Variants in MYOM1 observed in about 807,000 individuals in gnomAD.
The protein encoded by MYOM1 is myomesin 1, also known as myomesin-1.
MYOM1 carries 164 observed loss-of-function variants against 205.3 expected under a neutral mutation model. The observed-to-expected ratio is 0.80, with a 90% confidence interval of 0.70 to 0.91. The LOEUF (loss-of-function observed/expected upper bound fraction) is 0.91. Ranked by LOEUF, MYOM1 falls within the 40% of genes least tolerant of loss-of-function variation. The pLI is 0.00. For missense variants in MYOM1, 2,011 were observed against 2,127.3 expected, an observed-to-expected ratio of 0.95 and a Z score of 1.08; for synonymous variants, 772 against 789.4, an observed-to-expected ratio of 0.98 and a Z score of 0.37.
intron 2 of MYOM1, among the ~76,000 whole-genome samples, chr18:3,197,312 C>T (rs1434869504): frequency 1.3e-5 from 2 of 151,784 alleles, no homozygotes; most frequent in Non-Finnish European, 2.9e-5. Flanking sequence ...AATTTTTGTA[C>T]GTTTTAGTAG....
chr18:3,146,191 A>T (rs12955349), intron 13 of MYOM1, among the ~76,000 whole-genome samples: 21,850 of 151,848 alleles, frequency 0.14, 1,738 homozygotes, highest in Middle Eastern at 0.23. Context: ...ATGTTTAATT[A>T]AAAAAAATAA....
chr18:3,166,510 T>A (rs1411837661), intron 9 of MYOM1, among the ~76,000 whole-genome samples: 1 of 151,976 alleles, frequency 6.6e-6, no homozygotes, highest in Non-Finnish European at 1.5e-5. Context: ...GGTCTCAAAC[T>A]CCAGACCTCA....
chr18:3,130,091 G>A (rs62074942), intron 17 of MYOM1, among the ~76,000 whole-genome samples: 9,254 of 150,434 alleles, frequency 0.062, 365 homozygotes, highest in Middle Eastern at 0.15. Flanking sequence ...CCCCCAGGCT[G>A]GAGTGCACTG....
chr18:3,179,813 A>G lies in MYOM1; in HGVS notation c.930-3679T>C, dbSNP rs1031461330. ...CTATAATTGGTTTAGGTAATTTCAC[A>G]CTGGACTCAAGCTCACTCTGGCTCT... is the stretch of plus-strand genomic sequence containing the variant. On this transcript the variant is annotated intron_variant, in intron 5 of 37. Transcript: ENST00000356443. This position sits in a 1 kb window ranked among gnomAD's most constrained non-coding sequence, Gnocchi z 4.4. Among the ~76,000 whole-genome samples the G allele has an allele frequency of 1.3e-5, 2 of 152,170 alleles. No homozygotes were observed. Among genetic ancestry groups the G allele is most frequent in the South Asian group, 2.1e-4 (1 of 4,834 alleles).
intron 2 of MYOM1, among the ~76,000 whole-genome samples, chr18:3,214,419 A>T (rs959344990): frequency 6.6e-6 from 1 of 152,228 alleles, no homozygotes; most frequent in Non-Finnish European, 1.5e-5. Context: ...CCAGGCTCTT[A>T]GTGAAGCTAA....
intron 34 of MYOM1, among the ~76,000 whole-genome samples, chr18:3,078,587 A>G (rs575611912): frequency 5.7e-4 from 87 of 152,108 alleles, no homozygotes; most frequent in African/African-American, 1.7e-3. Context: ...ATGCTACCAC[A>G]CTTGGCTAAT....
At chr18:3,180,925 CTTT>C (rs540315378) in intron 5 of MYOM1, among the ~76,000 whole-genome samples, 1,771 of 142,562 alleles carry the variant, frequency 0.012, 25 homozygotes, top group African/African-American at 0.044. Flanking sequence ...CCGAGATGAT[CTTT>C]TTTTTTTTTT....
rs145234236 is a variant in MYOM1 at position 3,092,698 on chromosome 18, C to T, written c.3864+1472G>A. 8.4e-3 allele frequency among the ~76,000 whole-genome samples: 1,273 copies of T among 152,230 alleles called. 24 individuals are homozygous for T. The highest frequency in any genetic ancestry group is 0.028 in the African/African-American group (1,170 of 41,528). ...TGAAGGCTCAGGTCTGGGATGAACT[C>T]TGTGATGCAATTCATGCTCCCGAGC... On this transcript the variant is annotated intron_variant, in intron 26 of 37. Transcript: ENST00000356443.
chr18:3,243,889 AT>A, the MYOM1 span, among the ~76,000 whole-genome samples: 19 of 151,944 alleles, frequency 1.3e-4, no homozygotes, highest in Non-Finnish European at 1.5e-4. Flanking sequence ...TGTCCATTCC[AT>A]TTTTTTCTCC....
At chr18:3,091,244 A>C (rs2079221968) in intron 26 of MYOM1, among the ~76,000 whole-genome samples, 1 of 152,006 alleles carries the variant, frequency 6.6e-6, no homozygotes, top group Non-Finnish European at 1.5e-5. Context: ...TGAACCTAGG[A>C]GGCAGAGGTT....
intron 25 of MYOM1, among the ~76,000 whole-genome samples, chr18:3,096,866 A>T (rs2079312601): frequency 6.6e-6 from 1 of 152,088 alleles, no homozygotes; most frequent in East Asian, 1.9e-4. Context: ...CTATCTTTCC[A>T]CACTGCAATT....
chr18:3,163,263 A>G (rs2080420032), intron 10 of MYOM1, among the ~76,000 whole-genome samples: 1 of 152,228 alleles, frequency 6.6e-6, no homozygotes, highest in South Asian at 2.1e-4. Context: ...CTTTTGCAGC[A>G]GCTTCCTTAA....
intron 4 of MYOM1, 40 bp downstream of exon 4, chr18:3,188,708 T>C: frequency 6.7e-7 from 1 of 1,484,840 alleles, no homozygotes; most frequent in Non-Finnish European, 9.0e-7. Flanking sequence ...ATGACATGCA[T>C]TTCCACCTTT....
At chr18:3,240,993 T>C in the MYOM1 span, among the ~76,000 whole-genome samples, 3 of 152,224 alleles carry the variant, frequency 2.0e-5, no homozygotes, top group Non-Finnish European at 4.4e-5. Context: ...TTAGGGTATC[T>C]GGCAGAAGAA....
intron 5 of MYOM1, among the ~76,000 whole-genome samples, chr18:3,178,174 T>C (rs2080676739): frequency 6.6e-6 from 1 of 152,230 alleles, no homozygotes; most frequent in Non-Finnish European, 1.5e-5. Context: ...ATGACGTCAA[T>C]AACCCTGATT....
At chr18:3,145,368 T>C (rs1237247175) in intron 13 of MYOM1, among the ~76,000 whole-genome samples, 1 of 151,172 alleles carries the variant, frequency 6.6e-6, no homozygotes, top group African/African-American at 2.4e-5. Flanking sequence ...CCAAGATAGA[T>C]CTTTTTCTGG....
At chr18:3,087,121 A>G (rs1215654845) in intron 29 of MYOM1, among the ~76,000 whole-genome samples, 1 of 152,152 alleles carries the variant, frequency 6.6e-6, no homozygotes. Context: ...ACCAGCTGAC[A>G]TTGCTTACGA....
At chr18:3,221,653 G>C (rs1470158037), upstream of MYOM1, among the ~76,000 whole-genome samples, 2 of 152,298 alleles carry the variant, frequency 1.3e-5, no homozygotes, top group African/African-American at 4.8e-5. Context: ...TTGATAGTAA[G>C]AAACTAGACA....
chr18:3,202,244 T>C (rs2081078343), intron 2 of MYOM1, among the ~76,000 whole-genome samples: 1 of 152,142 alleles, frequency 6.6e-6, no homozygotes, highest in Non-Finnish European at 1.5e-5. Flanking sequence ...AAAAGGTCCA[T>C]TTAATACAAA....
Sources: gnomAD v4.1 joint callset for allele counts (sites outside exome capture counted in the v4.1 genomes callset) on GRCh38, gnomAD v4.1.1 for gene constraint, Gnocchi (gnomAD v3.1) non-coding constraint, MANE v1.5 for transcripts, NCBI Gene and HGNC (gene_info 2026-07-23, HGNC 2026-07-21) for gene names.